RAB18: variants seen among roughly 807,000 people sequenced by gnomAD.
RAB18 encodes ras-related protein Rab-18.
RAB18 carries 10 observed loss-of-function variants against 28.5 expected under a neutral mutation model. The ratio of observed to expected loss-of-function variants is 0.35; its 90% confidence interval spans 0.22 to 0.60. The LOEUF is 0.60. Among genes scored for constraint, RAB18 ranks in the 20% least tolerant of loss-of-function variants. The pLI, the probability that RAB18 is intolerant of heterozygous loss-of-function variation, is 0.78. For missense variants in RAB18, 188 were observed against 244.2 expected, an observed-to-expected ratio of 0.77 and a Z score of 1.53; for synonymous variants, 93 against 86.9, an observed-to-expected ratio of 1.07 and a Z score of -0.39.
chr10:27,521,883 A>T (rs1564832100), intron 2 of RAB18, among the ~76,000 whole-genome samples: 1 of 146,970 alleles, frequency 6.8e-6, no homozygotes, highest in Non-Finnish European at 1.5e-5. Flanking sequence ...GGGAGGATTT[A>T]AAAAAAAAAC....
intron 2 of RAB18, among the ~76,000 whole-genome samples, chr10:27,518,009 T>C (rs937781879): frequency 1.6e-4 from 25 of 152,164 alleles, no homozygotes; most frequent in Admixed American, 1.4e-3. Context: ...CCTCTGAGAC[T>C]GCTTTCACTT....
chr10:27,512,198 A>G (rs1834338180), intron 2 of RAB18, among the ~76,000 whole-genome samples: 1 of 152,148 alleles, frequency 6.6e-6, no homozygotes, highest in Non-Finnish European at 1.5e-5. Context: ...ATTAAGATTT[A>G]CAGATTTACT....
intron 3 of RAB18, among the ~76,000 whole-genome samples, chr10:27,529,356 G>T (rs764359918): frequency 6.6e-6 from 1 of 151,850 alleles, no homozygotes; most frequent in Non-Finnish European, 1.5e-5. Flanking sequence ...CGTTTCCTCT[G>T]TATTAGAAAT....
At chr10:27,529,385 C>T (rs1408106868) in intron 3 of RAB18, among the ~76,000 whole-genome samples, 1 of 151,894 alleles carries the variant, frequency 6.6e-6, no homozygotes, top group Admixed American at 6.6e-5. Flanking sequence ...CCATAGTTGC[C>T]TAATTCTTCT....
At chr10:27,512,907 G>A (rs1213378643) in intron 2 of RAB18, among the ~76,000 whole-genome samples, 1 of 151,648 alleles carries the variant, frequency 6.6e-6, no homozygotes, top group Non-Finnish European at 1.5e-5. Context: ...TAGTATGCTG[G>A]TGAAAATATA....
chr10:27,524,357 CCT>C (rs1453433129), intron 2 of RAB18, among the ~76,000 whole-genome samples: 3 of 152,262 alleles, frequency 2.0e-5, no homozygotes, highest in Non-Finnish European at 2.9e-5. Context: ...TGATTTTTCT[CCT>C]CTTCAACAAG....
At chr10:27,505,136 C>T (rs1376086636) in intron 1 of RAB18, 1 of 532,816 alleles carries the variant, frequency 1.9e-6, no homozygotes, top group Admixed American at 1.9e-5. Context: ...GTTGTGCTTT[C>T]ATTTTTTACT....
intron 1 of RAB18, among the ~76,000 whole-genome samples, chr10:27,508,349 T>C (rs923106477): frequency 6.6e-6 from 1 of 152,244 alleles, no homozygotes; most frequent in African/African-American, 2.4e-5. Context: ...GCTTTGTGTC[T>C]GCACATTGCC....
In RAB18 at chr10:27,541,397, G is replaced by A. The variant is rs1168505078; in HGVS notation, c.*3346G>A. The A allele has an allele frequency of 2.2e-6, 1 of 453,190 alleles. No homozygotes were observed. Among genetic ancestry groups the A allele is most frequent in the Non-Finnish European group, 4.4e-6 (1 of 226,606 alleles). 28.1% of individuals were successfully genotyped at this position (453,190 alleles called of 1,614,324 possible). ...CTCAGTTGGGAACATCTATCATGCT[G>A]GAGGACTACTGTGATGGGGCTTTAC... On this transcript the variant is annotated 3_prime_UTR_variant, in exon 7 of 7. Coordinates refer to ENST00000356940, the MANE Select transcript of RAB18 (RefSeq NM_021252.5).
At chr10:27,537,085 G>A (rs75451654) in intron 6 of RAB18, among the ~76,000 whole-genome samples, 1,944 of 152,272 alleles carry the variant, frequency 0.013, 45 homozygotes, top group African/African-American at 0.044. Flanking sequence ...AGAAGGGATG[G>A]GACTCCAGGA....
At chr10:27,518,122 T>C (rs1834475162) in intron 2 of RAB18, among the ~76,000 whole-genome samples, 1 of 152,216 alleles carries the variant, frequency 6.6e-6, no homozygotes. Flanking sequence ...TTTTAGTTGG[T>C]TTATCTATTC....
chr10:27,519,046 T>C (rs1224550106), intron 2 of RAB18, among the ~76,000 whole-genome samples: 1 of 152,068 alleles, frequency 6.6e-6, no homozygotes, highest in Non-Finnish European at 1.5e-5. Context: ...TTTTGCACTT[T>C]TGAAAAATTA....
chr10:27,527,135 A>T (rs74919934), intron 3 of RAB18: 1 of 592,122 alleles, frequency 1.7e-6, no homozygotes, highest in Non-Finnish European at 3.2e-6. Flanking sequence ...ACAGAATATT[A>T]AAAAATCATC....
rs980963460 is a variant in RAB18, at chr10:27,504,518, G to A, written c.68+81G>A. On this transcript the variant is annotated intron_variant, in intron 1 of 6. Coordinates refer to ENST00000356940, the MANE Select transcript of RAB18 (RefSeq NM_021252.5). ...GCTGCTGTCTCCTGGGCCGCGACGG[G>A]AACTGTAAACTGCAGCGGCGGGCTC... 8.2e-6 allele frequency: 12 copies of A among 1,472,136 alleles called. No individual in the cohort carries two copies. In the East Asian group the frequency reaches 1.2e-4, roughly 15 times the overall value. The allele number at this position is 1,472,136 out of a possible 1,614,324, so 91.2% of individuals were successfully genotyped here.
chr10:27,530,523 A>G (rs1402683596), intron 3 of RAB18, among the ~76,000 whole-genome samples: 1 of 151,840 alleles, frequency 6.6e-6, no homozygotes, highest in East Asian at 1.9e-4. Context: ...TGGATACTGA[A>G]TAATTTGAAT....
intron 4 of RAB18, 129 bp from the exon 5 acceptor site, chr10:27,533,606 A>G: frequency 4.7e-6 from 5 of 1,071,394 alleles, no homozygotes; most frequent in Non-Finnish European, 5.4e-6. Flanking sequence ...CTCAATATTA[A>G]TCGTTGAAGA....
At position 27,541,953 on chromosome 10, in the gene RAB18, G is replaced by C. The variant is rs1426498929; in HGVS notation, c.*3902G>C. The C allele has an allele frequency of 4.4e-6, 2 of 453,882 alleles. No homozygotes were observed. The highest frequency in any genetic ancestry group is 8.8e-6 in the Non-Finnish European group (2 of 226,794). The allele number at this position is 453,882 out of a possible 1,614,324, so 28.1% of individuals were successfully genotyped here. ...CTTCCCCAGTAGCAATGGTTCAGGG[G>C]TAGGCACCTGACCCAGACCAGACTA... is the stretch of plus-strand genomic sequence containing the variant. On this transcript the variant is annotated 3_prime_UTR_variant, in exon 7 of 7. Transcript: ENST00000356940.
rs114899806 is a variant in RAB18 at position 27,538,792 on chromosome 10, A to G, written c.*741A>G. On this transcript the variant is annotated 3_prime_UTR_variant, in exon 7 of 7. Coordinates refer to ENST00000356940, the MANE Select transcript of RAB18 (RefSeq NM_021252.5). ...CAGAATGACAATAAGGTTTTCCCCC[A>G]TTTTGGTTTCAGGAGGACATGAATA... 1.5e-3 allele frequency: 679 copies of G among 454,020 alleles called. 4 individuals carry two copies. Among genetic ancestry groups the G allele is most frequent in the African/African-American group, 0.012 (622 of 50,108 alleles). The allele number at this position is 454,020 out of a possible 1,614,324, so 28.1% of individuals were successfully genotyped here. A position where few individuals can be genotyped will look rare whatever the true frequency, so the allele number is the denominator to read the frequency against.
rs1238929734 is a variant in RAB18 at position 27,541,979 on chromosome 10, C to T, written c.*3928C>T. ...TAGGCACCTGACCCAGACCAGACTA[C>T]TGAGATAAAGATGTTTGCCTAGGCT... On this transcript the variant is annotated 3_prime_UTR_variant, in exon 7 of 7. Transcript: ENST00000356940. 4.4e-6 allele frequency: 2 copies of T among 453,894 alleles called. No homozygotes were observed. The highest frequency in any genetic ancestry group is 4.0e-5 in the African/African-American group (2 of 49,966). The allele number at this position is 453,894 out of a possible 1,614,324, so 28.1% of individuals were successfully genotyped here. A position where few individuals can be genotyped will look rare whatever the true frequency, so the allele number is the denominator to read the frequency against.
Sources: allele counts gnomAD v4.1 joint callset (sites outside exome capture counted in the v4.1 genomes callset), GRCh38; gene constraint gnomAD v4.1.1; transcripts MANE v1.5; gene names NCBI Gene and HGNC (gene_info 2026-07-23, HGNC 2026-07-21).